MAN1A2: variants seen among roughly 807,000 people sequenced by gnomAD.
The protein encoded by MAN1A2 is mannosyl-oligosaccharide 1,2-alpha-mannosidase IB.
Under a neutral mutation model 75.7 loss-of-function variants are expected in MAN1A2, and 26 were observed. The observed-to-expected ratio is 0.34, with a 90% CI of 0.25 to 0.48. The LOEUF (loss-of-function observed/expected upper bound fraction) is 0.48, where lower values mean the gene tolerates loss of function less well. Among genes scored for constraint, MAN1A2 ranks in the 20% least tolerant of loss-of-function variants. The probability of loss-of-function intolerance (pLI) is 0.99; values close to 1 mark genes in which losing one functional copy is unlikely to be tolerated. For synonymous variants in MAN1A2, 247 were observed against 264.6 expected (o/e 0.93, Z 0.65); for missense variants, 562 against 775.5 (o/e 0.72, Z 3.27).
At chr1:117,519,800 A>T (rs1442787844) in intron 12 of MAN1A2, among the ~76,000 whole-genome samples, 1 of 152,080 alleles carries the variant, frequency 6.6e-6, no homozygotes, top group Non-Finnish European at 1.5e-5. Flanking sequence ...CAAGACAGAG[A>T]AAGAAGTAAC....
Position 117,368,217 on chromosome 1 carries a change from C to T in MAN1A2, c.34C>T (p.Arg12Cys). The change falls in exon 1 of 13, where the codon CGT (arginine) becomes TGT (cysteine). Residue 12 changes from arginine (R) to cysteine (C), a missense_variant. By Grantham distance (180) the Arg-to-Cys change is radical. Around this residue, in one of 2 missense-constraint regions of MAN1A2, gnomAD observed 128 missense variants for 129.8 expected, o/e 0.99. Coordinates refer to ENST00000356554, the MANE Select transcript of MAN1A2 (RefSeq NM_006699.5). ...TTPALLPLSG[R>C]RIPPLNLGPP... ...CCCAGCCCTGCTGCCCCTCTCTGGA[C>T]GTAGGATACCACCTCTGAACCTGGG... 1 of 1,613,900 alleles carries T rather than the reference C, an allele frequency of 6.2e-7. No individual in the cohort carries two copies. Among genetic ancestry groups the T allele is most frequent in the Non-Finnish European group, 8.5e-7 (1 of 1,179,930 alleles).
In MAN1A2 at chr1:117,405,632, C is replaced by T. The variant is rs914916441; in HGVS notation, c.642C>T (p.Ser214=). Residue 214 remains serine, a synonymous_variant, in exon 3 of 13, where the codon TCC becomes TCT. Transcript: ENST00000356554. Reference sequence around the variant, plus strand: ...GACCTATTGCAAGGAAAGGACACTCCCCTAACATATTTGGTAAGTTTACTT... The same window carrying T: ...GACCTATTGCAAGGAAAGGACACTCTCCTAACATATTTGGTAAGTTTACTT... ...ELRPIARKGH[S]PNIFGSSQMG... is the part of the protein sequence containing the mutation. 2.5e-6 allele frequency: 4 copies of T among 1,586,182 alleles called. No individual in the cohort carries two copies.
At chr1:117,452,710 A>G (rs543786641) in intron 6 of MAN1A2, among the ~76,000 whole-genome samples, 4 of 152,368 alleles carry the variant, frequency 2.6e-5, no homozygotes, top group African/African-American at 9.6e-5. Context: ...GCTGTCTCCA[A>G]AACATAAAGG....
chr1:117,371,164 AT>A (rs1477892464), intron 1 of MAN1A2, among the ~76,000 whole-genome samples: 1 of 152,190 alleles, frequency 6.6e-6, no homozygotes, highest in Admixed American at 6.5e-5. Flanking sequence ...GTAATGGAAT[AT>A]TTTTATTCGG....
chr1:117,375,691 A>G (rs991173603), intron 1 of MAN1A2, among the ~76,000 whole-genome samples: 1 of 152,162 alleles, frequency 6.6e-6, no homozygotes, highest in African/African-American at 2.4e-5. Flanking sequence ...AATTTTGACT[A>G]TTGAAAAATT....
chr1:117,480,467 T>A (rs1650460582), intron 8 of MAN1A2, among the ~76,000 whole-genome samples: 1 of 151,852 alleles, frequency 6.6e-6, no homozygotes, highest in Admixed American at 6.6e-5. Context: ...ATGTATTTTG[T>A]CCAAAGTTTT....
chr1:117,396,904 A>G (rs1430279635), intron 1 of MAN1A2, among the ~76,000 whole-genome samples: 3 of 150,840 alleles, frequency 2.0e-5, no homozygotes, highest in Non-Finnish European at 4.4e-5. Context: ...ATGTTTTCCT[A>G]TCTCTGTTAA....
intron 3 of MAN1A2, among the ~76,000 whole-genome samples, chr1:117,406,918 G>A (rs1206130745): frequency 6.6e-6 from 1 of 151,860 alleles, no homozygotes; most frequent in East Asian, 1.9e-4. Context: ...ATAAAAATTG[G>A]ATGTCAATTT....
intron 12 of MAN1A2, among the ~76,000 whole-genome samples, chr1:117,516,703 C>T (rs1178038610): frequency 1.3e-5 from 2 of 150,924 alleles, no homozygotes; most frequent in Non-Finnish European, 2.9e-5. Flanking sequence ...CCTGTAATTG[C>T]CCCAGCTGTC....
chr1:117,411,486 TGAG>T (rs1335441156), intron 3 of MAN1A2, among the ~76,000 whole-genome samples: 4 of 151,766 alleles, frequency 2.6e-5, no homozygotes, highest in African/African-American at 9.7e-5. Flanking sequence ...AGAAAACACT[TGAG>T]AACATCTTTG....
chr1:117,391,967 T>C (rs1474094256), intron 1 of MAN1A2, among the ~76,000 whole-genome samples: 1 of 152,184 alleles, frequency 6.6e-6, no homozygotes, highest in Non-Finnish European at 1.5e-5. Context: ...TGGTCCTTCT[T>C]CTCTGTATCT....
chr1:117,458,484 A>AATATATATATCTATATATATATAT (rs1313468537), intron 6 of MAN1A2, among the ~76,000 whole-genome samples: 21 of 104,762 alleles, frequency 2.0e-4, no homozygotes, highest in Non-Finnish European at 3.4e-4. Context: ...TAAGATGAGA[A>AATATATATATCTATATATATATAT]ATATATATAT....
intron 4 of MAN1A2, among the ~76,000 whole-genome samples, chr1:117,417,557 A>ATATATATATATATATATATATGTG (rs1214425551): frequency 3.6e-4 from 51 of 140,714 alleles, no homozygotes; most frequent in African/African-American, 1.3e-3. Flanking sequence ...ATATATATAT[A>ATATATATATATATATATATATGTG]TGTGATATAT....
At chr1:117,410,089 G>T (rs1212599804) in intron 3 of MAN1A2, among the ~76,000 whole-genome samples, 2 of 151,830 alleles carry the variant, frequency 1.3e-5, no homozygotes, top group African/African-American at 2.4e-5. Flanking sequence ...AGAAATAGTT[G>T]TTATACTGTG....
intron 5 of MAN1A2, among the ~76,000 whole-genome samples, chr1:117,432,735 T>G (rs959948500): frequency 7.2e-5 from 11 of 152,122 alleles, no homozygotes; most frequent in African/African-American, 2.2e-4. Context: ...GCAGCTCTAC[T>G]TCAGAGGCCA....
intron 11 of MAN1A2, among the ~76,000 whole-genome samples, chr1:117,500,083 A>T (rs1651153710): frequency 6.6e-6 from 1 of 151,860 alleles, no homozygotes; most frequent in Admixed American, 6.6e-5. Context: ...AATTGCCCAG[A>T]CAGGAATGTA....
chr1:117,453,951 G>A (rs571334771), intron 6 of MAN1A2, among the ~76,000 whole-genome samples: 67 of 152,226 alleles, frequency 4.4e-4, no homozygotes, highest in African/African-American at 1.5e-3. Context: ...AGCAACCATC[G>A]TCATCAAGGC....
chr1:117,454,727 G>T (rs1052063838), intron 6 of MAN1A2, among the ~76,000 whole-genome samples: 29 of 152,038 alleles, frequency 1.9e-4, no homozygotes, highest in Non-Finnish European at 3.7e-4. Context: ...TTTCTGTTTT[G>T]GTCTTTGTTT....
At chr1:117,381,189 A>G (rs571402382) in intron 1 of MAN1A2, among the ~76,000 whole-genome samples, 7 of 151,504 alleles carry the variant, frequency 4.6e-5, no homozygotes, top group Admixed American at 4.0e-4. Flanking sequence ...AGCGCAACTA[A>G]TTTTTTTTTA....
Sources: gnomAD v4.1 joint callset for allele counts (sites outside exome capture counted in the v4.1 genomes callset) on GRCh38, gnomAD v4.1.1 for gene constraint, gnomAD v4.1.1 regional missense constraint, MANE v1.5 for transcripts, NCBI Gene and HGNC (gene_info 2026-07-23, HGNC 2026-07-21) for gene names.